RPGRIP1L: variants seen among roughly 807,000 people sequenced by gnomAD.
The protein encoded by RPGRIP1L is protein fantom.
In RPGRIP1L, 131 loss-of-function variants were observed where a neutral mutation model predicts 160.4. The observed-to-expected ratio is 0.82, with a 90% CI of 0.71 to 0.94. The LOEUF is 0.94. Among genes scored for constraint, RPGRIP1L ranks in the 40% least tolerant of loss-of-function variants. RPGRIP1L has a pLI of 0.00. For synonymous variants in RPGRIP1L, 510 were observed against 515.8 expected (o/e 0.99, Z 0.15); for missense variants, 1,522 against 1,535.8 (o/e 0.99, Z 0.15).
chr16:53,651,697 T>C (rs1433436340), intron 15 of RPGRIP1L, among the ~76,000 whole-genome samples: 1 of 152,134 alleles, frequency 6.6e-6, no homozygotes, highest in African/African-American at 2.4e-5. Context: ...AACCTGCCAT[T>C]TCTCCCTTTA....
At chr16:53,632,479 A>G (rs1965581051) in intron 22 of RPGRIP1L, among the ~76,000 whole-genome samples, 1 of 152,132 alleles carries the variant, frequency 6.6e-6, no homozygotes, top group Non-Finnish European at 1.5e-5. Context: ...TAAGATCAGG[A>G]GCTTAATTTT....
intron 8 of RPGRIP1L, among the ~76,000 whole-genome samples, chr16:53,671,839 T>C (rs1377689978): frequency 6.6e-6 from 1 of 152,170 alleles, no homozygotes; most frequent in African/African-American, 2.4e-5. Context: ...TTATGCAACA[T>C]GTGCCAGAAG....
At chr16:53,640,506 T>C (rs530283546) in intron 19 of RPGRIP1L, among the ~76,000 whole-genome samples, 19 of 152,064 alleles carry the variant, frequency 1.2e-4, no homozygotes, top group Non-Finnish European at 2.2e-4. Flanking sequence ...TTTAAACATA[T>C]GATCAAGGAG....
At chr16:53,649,174 G>T (rs905847482) in intron 15 of RPGRIP1L, 59 bp from the exon 16 acceptor site, 18 of 1,396,348 alleles carry the variant, frequency 1.3e-5, no homozygotes, top group South Asian at 4.6e-5. Flanking sequence ...ATAGATAGCA[G>T]TAAAAATACA....
In RPGRIP1L at chr16:53,643,514, T is replaced by G. The variant is rs537502372; in HGVS notation, c.2684-2039A>C. Among the ~76,000 whole-genome samples, 97 of 152,168 alleles carry G rather than the reference T, an allele frequency of 6.4e-4. 2 individuals carry two copies. The highest frequency in any genetic ancestry group is 2.0e-3 in the Admixed American group (30 of 15,276). On this transcript the variant is annotated intron_variant, in intron 17 of 26. Coordinates refer to ENST00000647211, the MANE Select transcript of RPGRIP1L (RefSeq NM_015272.5). ...GCAGGCTTGTAGACTGAACTTTGAT[T>G]TGAATGCATCCTCCATGCCACACAC...
chr16:53,662,516 AC>A (rs1967890948), intron 10 of RPGRIP1L, among the ~76,000 whole-genome samples: 1 of 152,154 alleles, frequency 6.6e-6, no homozygotes, highest in African/African-American at 2.4e-5. Flanking sequence ...AACACTTGAT[AC>A]ATGAGAAGGT....
At chr16:53,644,429 T>C (rs1306813013) in intron 17 of RPGRIP1L, among the ~76,000 whole-genome samples, 1 of 151,736 alleles carries the variant, frequency 6.6e-6, no homozygotes, top group African/African-American at 2.4e-5. Context: ...ACTGAAAAAA[T>C]AATGGCAGTA....
At chr16:53,633,628 A>C (rs1965658191) in intron 22 of RPGRIP1L, among the ~76,000 whole-genome samples, 1 of 152,238 alleles carries the variant, frequency 6.6e-6, no homozygotes, top group South Asian at 2.1e-4. Context: ...AATATTATAT[A>C]ATTGTTCTGA....
At chr16:53,701,072 G>T (rs1037373577) in intron 1 of RPGRIP1L, among the ~76,000 whole-genome samples, 2 of 152,122 alleles carry the variant, frequency 1.3e-5, no homozygotes, top group Non-Finnish European at 2.9e-5. Flanking sequence ...TGATTCAAAT[G>T]GTTGCTCTAT....
At chr16:53,617,937 A>C (rs1004111702) in intron 24 of RPGRIP1L, among the ~76,000 whole-genome samples, 8 of 152,204 alleles carry the variant, frequency 5.3e-5, no homozygotes, top group African/African-American at 1.2e-4. Context: ...ATTTTGCTAA[A>C]AATAACACAA....
chr16:53,633,929 CA>C (rs2151019190), intron 22 of RPGRIP1L, among the ~76,000 whole-genome samples: 1 of 152,258 alleles, frequency 6.6e-6, no homozygotes, highest in East Asian at 1.9e-4. Flanking sequence ...CTGGTAAAAT[CA>C]ATAGAAAATC....
rs562074753 is a variant in RPGRIP1L at position 53,640,870 on chromosome 16, A to G, written c.2958+163T>C. Among the ~76,000 whole-genome samples the G allele has an allele frequency of 6.6e-5, 10 of 152,318 alleles. 1 individual carries two copies. The South Asian group carries it at 2.1e-3, about 32-fold the overall frequency. On this transcript the variant is annotated intron_variant, in intron 19 of 26. Coordinates refer to ENST00000647211, the MANE Select transcript of RPGRIP1L (RefSeq NM_015272.5). ...TTTAGATAAAAAATTTGAACAGTTAACACTTATATATAGTGCCGAAACACA... is the reference window on the plus strand; with the variant it reads ...TTTAGATAAAAAATTTGAACAGTTAGCACTTATATATAGTGCCGAAACACA...
chr16:53,696,439 C>A (rs774429734), intron 2 of RPGRIP1L, 144 bp from the exon 3 acceptor site: 10 of 767,722 alleles, frequency 1.3e-5, no homozygotes, highest in Non-Finnish European at 2.2e-5. Context: ...AAATGTTGTA[C>A]CATTGTTTAC....
chr16:53,625,234 G>C lies in RPGRIP1L; in HGVS notation c.3295-2878C>G, dbSNP rs1965019569. On this transcript the variant is annotated intron_variant, in intron 22 of 26. Transcript: ENST00000647211. ...CTCTGCCTGGCCACCCATTGTCTGG[G>C]AAGTGAGGAGCCCCTCTGCCCGGCA... 2.0e-5 allele frequency among the ~76,000 whole-genome samples: 3 copies of C among 152,038 alleles called. No homozygotes were observed. The South Asian group carries it at 6.2e-4, about 32-fold the overall frequency.
chr16:53,699,567 C>A (rs1433480167), intron 2 of RPGRIP1L, among the ~76,000 whole-genome samples: 2 of 152,138 alleles, frequency 1.3e-5, no homozygotes, highest in African/African-American at 4.8e-5. Flanking sequence ...ACTTTGCACA[C>A]TTACAAGTTA....
rs1064796997 is a variant in RPGRIP1L, at chr16:53,605,603, G to A, written c.3713C>T (p.Thr1238Ile). 1 of 1,614,084 alleles carries A rather than the reference G, an allele frequency of 6.2e-7. No individual in the cohort carries two copies. The highest frequency in any genetic ancestry group is 8.5e-7 in the Non-Finnish European group (1 of 1,180,008). Residue 1238 changes from threonine (T) to isoleucine (I), a missense_variant, in exon 26 of 27, where the codon ACC becomes ATC. By Grantham distance (89) the Thr-to-Ile change is moderately conservative. Transcript: ENST00000647211. ...QEMPNRSLRF[T>I]VVSDPPEDEQ... ...GTCCTCTGGAGGGTCACTGACCACG[G>A]TGAAGCGAAGGCTGGTAAGGCAGAG...
chr16:53,647,312 A>C (rs1256011952), intron 16 of RPGRIP1L, among the ~76,000 whole-genome samples: 1 of 152,234 alleles, frequency 6.6e-6, no homozygotes, highest in Non-Finnish European at 1.5e-5. Flanking sequence ...TTAAGGTTAC[A>C]GGCATATTTC....
Position 53,648,626 on chromosome 16 carries a change from G to GCGCGCACACA in RPGRIP1L, c.2304+337_2304+338insTGTGTGCGCG, listed in dbSNP as rs1555602385. On this transcript the variant is annotated intron_variant, in intron 16 of 26. Transcript: ENST00000647211. ...TACGTACGCGCGTGCGCGCGCGCGC[G>GCGCGCACACA]CACACACACACACACACACACACAC... Among the ~76,000 whole-genome samples the GCGCGCACACA allele has an allele frequency of 2.0e-3, 286 of 144,080 alleles. 2 individuals are homozygous for GCGCGCACACA. The highest frequency in any genetic ancestry group is 3.0e-3 in the Non-Finnish European group (200 of 66,340). The allele number at this position is 144,080 out of a possible 152,430, so 94.5% of individuals were successfully genotyped here.
intron 15 of RPGRIP1L, among the ~76,000 whole-genome samples, chr16:53,650,358 A>T (rs775023313): frequency 1.1e-4 from 16 of 152,226 alleles, no homozygotes; most frequent in Non-Finnish European, 2.1e-4. Flanking sequence ...ACACTATGAC[A>T]GAAGTCATCA....
Sources: gnomAD v4.1 joint callset for allele counts (sites outside exome capture counted in the v4.1 genomes callset) on GRCh38, gnomAD v4.1.1 for gene constraint, MANE v1.5 for transcripts, NCBI Gene and HGNC (gene_info 2026-07-23, HGNC 2026-07-21) for gene names.